The following UBR3 variants were observed in gnomAD, a reference collection of about 807,000 sequenced individuals.
UBR3 encodes the protein E3 ubiquitin-protein ligase UBR3.
Under a neutral mutation model 243.2 loss-of-function variants are expected in UBR3, and 85 were observed. The ratio of observed to expected loss-of-function variants is 0.35; its 90% confidence interval spans 0.29 to 0.42. The LOEUF (loss-of-function observed/expected upper bound fraction) is 0.42, where lower values mean the gene tolerates loss of function less well. Ranked by LOEUF, UBR3 falls within the 10% of genes least tolerant of loss-of-function variation. UBR3 has a pLI of 1.00. For missense variants in UBR3, 1,686 were observed against 2,300.8 expected, an observed-to-expected ratio of 0.73 and a Z score of 5.47; for synonymous variants, 748 against 799.8, an observed-to-expected ratio of 0.94 and a Z score of 1.09.
chr2:169,920,931 C>T (rs181338946), intron 11 of UBR3, among the ~76,000 whole-genome samples: 87 of 152,182 alleles, frequency 5.7e-4, no homozygotes, highest in Admixed American at 2.1e-3. Context: ...GTGTTTTATG[C>T]AGGATAATGG....
chr2:169,932,138 C>T (rs2086157879), intron 18 of UBR3, among the ~76,000 whole-genome samples: 2 of 150,942 alleles, frequency 1.3e-5, no homozygotes, highest in South Asian at 2.1e-4. Context: ...TGTGCAGTGG[C>T]GTGATCTTGG....
At chr2:169,961,953 C>T (rs1317152038) in intron 24 of UBR3, among the ~76,000 whole-genome samples, 4 of 148,430 alleles carry the variant, frequency 2.7e-5, no homozygotes, top group Non-Finnish European at 5.9e-5. Context: ...GGTCCTGATG[C>T]CCTGTGTAGT....
intron 29 of UBR3, among the ~76,000 whole-genome samples, chr2:170,012,907 T>C (rs2090127265): frequency 6.6e-6 from 1 of 152,138 alleles, no homozygotes; most frequent in Non-Finnish European, 1.5e-5. Context: ...ACTTTGGTCA[T>C]GCAAAAAGAA....
At chr2:169,890,581 G>GTATATATATTTGTATATATATATGTA (rs1559064410) in intron 5 of UBR3, among the ~76,000 whole-genome samples, 1 of 96,528 alleles carries the variant, frequency 1.0e-5, no homozygotes, top group Non-Finnish European at 1.9e-5. Context: ...ATATATATAT[G>GTATATATATTTGTATATATATATGTA]TATATATATA....
rs766499917 is a variant in UBR3, at chr2:169,946,391, A to C, written c.2909A>C (p.Glu970Ala). 1.5e-5 allele frequency: 22 copies of C among 1,474,008 alleles called. No individual in the cohort carries two copies. The East Asian group carries it at 5.5e-4, about 37-fold the overall frequency. The allele number at this position is 1,474,008 out of a possible 1,614,324, so 91.3% of individuals were successfully genotyped here. Reference sequence around the variant, plus strand: ...TCTGCTGAAGAAGAATCAGATGAAGAGGTAAGTAGTTTTTATAATTTAAAA... The same window carrying C: ...TCTGCTGAAGAAGAATCAGATGAAGCGGTAAGTAGTTTTTATAATTTAAAA... ...ENSAEEESDE[E>A]ASVGGPERCH... The change falls in exon 21 of 39, where the codon GAG becomes GCG. Residue 970 changes from glutamate to alanine, a missense_variant and splice_region_variant. This residue lies in a region of UBR3 where 300 missense variants were observed against 314.4 expected (regional missense o/e 0.95). Coordinates refer to ENST00000272793, the MANE Select transcript of UBR3 (RefSeq NM_172070.4).
intron 1 of UBR3, among the ~76,000 whole-genome samples, chr2:169,852,850 C>CAAAAAAAAAAAAAAAAAAAAAA (rs869283640): frequency 2.1e-5 from 1 of 48,284 alleles, no homozygotes; most frequent in African/African-American, 9.5e-5. Flanking sequence ...GACTTCATCT[C>CAAAAAAAAAAAAAAAAAAAAAA]AAAAAAAAAA....
At chr2:169,932,328 T>C (rs1449950111) in intron 18 of UBR3, among the ~76,000 whole-genome samples, 1 of 152,200 alleles carries the variant, frequency 6.6e-6, no homozygotes, top group African/African-American at 2.4e-5. Flanking sequence ...TCTGCCCACC[T>C]CAGCTGCCCA....
At chr2:170,026,231 A>G (rs2090525993) in intron 30 of UBR3, among the ~76,000 whole-genome samples, 1 of 152,044 alleles carries the variant, frequency 6.6e-6, no homozygotes, top group Non-Finnish European at 1.5e-5. Context: ...GAGAGTTAAG[A>G]ATATATGTTA....
intron 1 of UBR3, among the ~76,000 whole-genome samples, chr2:169,860,784 A>G (rs1000012813): frequency 1.3e-5 from 2 of 152,260 alleles, no homozygotes; most frequent in South Asian, 2.1e-4. Context: ...TATTAAGGAG[A>G]ATTGACTCAC....
At chr2:169,999,857 C>T (rs2089630002) in intron 26 of UBR3, among the ~76,000 whole-genome samples, 2 of 152,308 alleles carry the variant, frequency 1.3e-5, no homozygotes, top group East Asian at 3.9e-4. Context: ...GGCACGGTGG[C>T]TCATGCCTGT....
intron 31 of UBR3, among the ~76,000 whole-genome samples, chr2:170,032,249 T>C (rs1181472279): frequency 7.0e-6 from 1 of 142,062 alleles, no homozygotes; most frequent in Admixed American, 7.3e-5. Context: ...GAAAATAAAT[T>C]TGTATGTGCT....
At chr2:169,828,411 C>T (rs1005804467) in intron 1 of UBR3, among the ~76,000 whole-genome samples, 15 of 151,834 alleles carry the variant, frequency 9.9e-5, no homozygotes, top group Admixed American at 7.9e-4. Flanking sequence ...TTGGGAAAGG[C>T]TGTAAAGCCT....
At chr2:169,950,485 G>T (rs551881392) in intron 23 of UBR3, among the ~76,000 whole-genome samples, 2 of 151,916 alleles carry the variant, frequency 1.3e-5, no homozygotes, top group South Asian at 4.2e-4. Flanking sequence ...ATATATGATT[G>T]CTGATTTTTA....
At chr2:170,029,280 T>C in intron 30 of UBR3, 66 bp from the exon 31 acceptor site, 1 of 1,291,108 alleles carries the variant, frequency 7.7e-7, no homozygotes. Flanking sequence ...ACTAGAAATT[T>C]TGTCTGAATT....
intron 30 of UBR3, among the ~76,000 whole-genome samples, chr2:170,015,681 TAAG>T (rs1158177772): frequency 6.6e-6 from 1 of 151,910 alleles, no homozygotes; most frequent in Non-Finnish European, 1.5e-5. Context: ...TACATTGAAT[TAAG>T]AAAATATTTT....
chr2:169,868,252 C>T (rs965900846), intron 1 of UBR3, among the ~76,000 whole-genome samples: 6 of 152,154 alleles, frequency 3.9e-5, no homozygotes, highest in African/African-American at 1.4e-4. Context: ...TTTATCTCAC[C>T]AAATTATTTT....
intron 24 of UBR3, among the ~76,000 whole-genome samples, chr2:169,971,215 A>C (rs9750286): frequency 1 from 148,556 of 148,722 alleles, 74,196 homozygotes; most frequent in Middle Eastern, 1. Flanking sequence ...ATGGTAGATT[A>C]TGGATATTAG....
chr2:170,073,443 T>C lies in UBR3; in HGVS notation c.5035T>C (p.Ser1679Pro), dbSNP rs1426413382. Residue 1679 changes from serine to proline, a missense_variant, in exon 36 of 39, where the codon TCA (serine) becomes CCA (proline). Around this residue, in one of 8 missense-constraint regions of UBR3, gnomAD observed 371 missense variants for 422.5 expected, o/e 0.88. Coordinates refer to ENST00000272793, the MANE Select transcript of UBR3 (RefSeq NM_172070.4). ...TGTCTAAAAGGAAGAAGAAGAATTT[T>C]CAGTTCTTGCCAGCTGCCTGGGACT... is the stretch of plus-strand genomic sequence containing the variant. The part of the protein sequence containing the change: ...LPSCQEEEEF[S>P]VLASCLGLLP... 1 of 1,613,310 alleles carries C rather than the reference T, an allele frequency of 6.2e-7. No homozygotes were observed. The highest frequency in any genetic ancestry group is 1.3e-5 in the African/African-American group (1 of 74,908).
At chr2:169,831,549 A>G (rs1228922321) in intron 1 of UBR3, among the ~76,000 whole-genome samples, 2 of 152,178 alleles carry the variant, frequency 1.3e-5, no homozygotes, top group Non-Finnish European at 2.9e-5. Flanking sequence ...ATAAAGGGCA[A>G]GATTGAACAA....
Sources: allele counts gnomAD v4.1 joint callset (sites outside exome capture counted in the v4.1 genomes callset), GRCh38; gene constraint gnomAD v4.1.1; regional missense constraint gnomAD v4.1.1; transcripts MANE v1.5; gene names NCBI Gene and HGNC (gene_info 2026-07-23, HGNC 2026-07-21).